The following ULK4 variants were observed in gnomAD, a reference collection of about 807,000 sequenced individuals.
ULK4 encodes the protein inactive serine/threonine-protein kinase ULK4.
Under a neutral mutation model 160.6 loss-of-function variants are expected in ULK4, and 133 were observed. The observed-to-expected ratio is 0.83, with a 90% CI of 0.72 to 0.96. The LOEUF is 0.96. ULK4 is among the 40% of genes least tolerant of loss of function. The pLI is 0.00. For synonymous variants in ULK4, 534 were observed against 539.8 expected (o/e 0.99, Z 0.15); for missense variants, 1,580 against 1,499.5 (o/e 1.05, Z -0.89).
At chr3:41,267,807 C>A (rs1233543332) in intron 35 of ULK4, among the ~76,000 whole-genome samples, 1 of 152,208 alleles carries the variant, frequency 6.6e-6, no homozygotes, top group African/African-American at 2.4e-5. Flanking sequence ...CCTCAGGAGG[C>A]AAAGTGACTA....
chr3:41,889,964 C>T (rs1391711651), intron 16 of ULK4, among the ~76,000 whole-genome samples: 1 of 152,114 alleles, frequency 6.6e-6, no homozygotes. Context: ...TACAGATGAA[C>T]CTTGAAAACA....
At chr3:41,642,422 G>A (rs2034257773) in intron 30 of ULK4, among the ~76,000 whole-genome samples, 2 of 151,856 alleles carry the variant, frequency 1.3e-5, no homozygotes, top group African/African-American at 4.8e-5. Context: ...TCCCACCTAT[G>A]AGTGAGAACA....
intron 7 of ULK4, among the ~76,000 whole-genome samples, chr3:41,916,479 C>T (rs1033397644): frequency 6.6e-6 from 1 of 152,132 alleles, no homozygotes; most frequent in African/African-American, 2.4e-5. Flanking sequence ...GCCTCTACCT[C>T]CCAGGCTCAA....
At chr3:41,923,466 C>A (rs1445966065) in intron 5 of ULK4, among the ~76,000 whole-genome samples, 1 of 152,140 alleles carries the variant, frequency 6.6e-6, no homozygotes, top group Admixed American at 6.5e-5. Flanking sequence ...CCACTGCACT[C>A]CAGCCTGGGC....
chr3:41,898,445 T>C lies in ULK4; in HGVS notation c.1335A>G (p.Leu445=), dbSNP rs1698242289. 3 of 1,595,642 alleles carry C rather than the reference T, an allele frequency of 1.9e-6. No individual in the cohort carries two copies. Among genetic ancestry groups the C allele is most frequent in the Non-Finnish European group, 2.6e-6 (3 of 1,169,970 alleles). ...TTATGATCCTACCTGAATATGTTGGTAGATGCAATATTTTTGCATCAAATT... is the reference window on the plus strand; with the variant it reads ...TTATGATCCTACCTGAATATGTTGGCAGATGCAATATTTTTGCATCAAATT... The part of the protein sequence containing the change: ...PVKFDAKILH[L]PTYSVDKLLF... The change falls in exon 14 of 37, where the codon CTA becomes CTG. Residue 445 remains leucine, a synonymous_variant. Transcript: ENST00000301831.
intron 19 of ULK4, among the ~76,000 whole-genome samples, chr3:41,815,777 A>T (rs2040945118): frequency 6.6e-6 from 1 of 152,006 alleles, no homozygotes; most frequent in Non-Finnish European, 1.5e-5. Context: ...TATTTTTAAA[A>T]ACCAACTGGA....
At chr3:41,858,170 TG>T (rs2042412556) in intron 17 of ULK4, among the ~76,000 whole-genome samples, 1 of 121,032 alleles carries the variant, frequency 8.3e-6, no homozygotes, top group Admixed American at 8.1e-5. Context: ...TTTTTTTTTT[TG>T]GCAGAATCTC....
chr3:41,543,886 T>C (rs2086772475), intron 32 of ULK4, among the ~76,000 whole-genome samples: 1 of 152,194 alleles, frequency 6.6e-6, no homozygotes, highest in African/African-American at 2.4e-5. Context: ...TTTGATAATT[T>C]CTGTCTCTTT....
chr3:41,420,476 T>TTA (rs1491125030), intron 34 of ULK4, among the ~76,000 whole-genome samples: 1 of 13,022 alleles, frequency 7.7e-5, no homozygotes, highest in African/African-American at 1.8e-4. Flanking sequence ...CAGTTCTTTC[T>TTA]TTTTTTTTTT....
intron 27 of ULK4, among the ~76,000 whole-genome samples, chr3:41,696,706 T>C (rs1372063238): frequency 1.3e-5 from 2 of 151,596 alleles, no homozygotes; most frequent in African/African-American, 2.4e-5. Flanking sequence ...TTCAAATTTG[T>C]TATTTACATA....
At chr3:41,756,093 G>C (rs940453692) in intron 21 of ULK4, among the ~76,000 whole-genome samples, 2 of 152,142 alleles carry the variant, frequency 1.3e-5, no homozygotes, top group African/African-American at 4.8e-5. Flanking sequence ...CATTCACACT[G>C]TATGTCCAAA....
chr3:41,666,671 C>G (rs1001048220), intron 29 of ULK4, among the ~76,000 whole-genome samples: 3 of 152,172 alleles, frequency 2.0e-5, no homozygotes, highest in Non-Finnish European at 4.4e-5. Flanking sequence ...GACGGACCCA[C>G]AAGCCTATGA....
At chr3:41,416,686 CTGAG>C (rs1207583790) in intron 34 of ULK4, among the ~76,000 whole-genome samples, 2 of 152,006 alleles carry the variant, frequency 1.3e-5, no homozygotes, top group East Asian at 3.9e-4. Context: ...GAAACACAGC[CTGAG>C]TAAGGCAGTA....
intron 32 of ULK4, among the ~76,000 whole-genome samples, chr3:41,561,018 C>G (rs1018368450): frequency 1.3e-5 from 2 of 152,076 alleles, no homozygotes; most frequent in African/African-American, 4.8e-5. Flanking sequence ...AATAGCTCTT[C>G]TTATTTTGAG....
chr3:41,943,684 C>T (rs1471643360), intron 2 of ULK4, among the ~76,000 whole-genome samples: 1 of 152,156 alleles, frequency 6.6e-6, no homozygotes, highest in Non-Finnish European at 1.5e-5. Context: ...AGAGAACTTT[C>T]TCAGGCTCCT....
At chr3:41,787,657 A>C (rs2040035668) in intron 21 of ULK4, among the ~76,000 whole-genome samples, 1 of 152,224 alleles carries the variant, frequency 6.6e-6, no homozygotes, top group Non-Finnish European at 1.5e-5. Context: ...GTCTCACAAC[A>C]ATGTGAACAT....
At chr3:41,447,619 G>A (rs1398170447) in intron 34 of ULK4, among the ~76,000 whole-genome samples, 1 of 152,156 alleles carries the variant, frequency 6.6e-6, no homozygotes, top group Non-Finnish European at 1.5e-5. Flanking sequence ...TTAGAAAAGG[G>A]TAATGATGCT....
At chr3:41,768,175 C>A (rs1400834992) in intron 21 of ULK4, among the ~76,000 whole-genome samples, 1 of 152,186 alleles carries the variant, frequency 6.6e-6, no homozygotes, top group Non-Finnish European at 1.5e-5. Context: ...AAAACCACCT[C>A]CCCAGCTCTG....
At chr3:41,358,318 C>T (rs951590612) in intron 35 of ULK4, among the ~76,000 whole-genome samples, 3 of 152,150 alleles carry the variant, frequency 2.0e-5, no homozygotes, top group Non-Finnish European at 4.4e-5. Context: ...TGTACAAATT[C>T]ATTATCTATG....
Sources: allele counts gnomAD v4.1 joint callset (sites outside exome capture counted in the v4.1 genomes callset), GRCh38; gene constraint gnomAD v4.1.1; transcripts MANE v1.5; gene names NCBI Gene and HGNC (gene_info 2026-07-23, HGNC 2026-07-21).